The following DLGAP1 variants were observed in gnomAD, a reference collection of about 807,000 sequenced individuals.
DLGAP1 encodes the protein DLG associated protein 1.
In DLGAP1, 11 loss-of-function variants were observed where a neutral mutation model predicts 90.8. The observed-to-expected ratio is 0.12, with a 90% CI of 0.08 to 0.20. DLGAP1 has a LOEUF of 0.20. Ranked by LOEUF, DLGAP1 falls within the 10% of genes least tolerant of loss-of-function variation. The pLI is 1.00. For missense variants in DLGAP1, 1,050 were observed against 1,333.8 expected (o/e 0.79, Z 3.31); for synonymous variants, 558 against 540.7 (o/e 1.03, Z -0.44).
intron 1 of DLGAP1, among the ~76,000 whole-genome samples, chr18:4,447,287 T>C (rs2083692222): frequency 6.6e-6 from 1 of 152,182 alleles, no homozygotes; most frequent in Non-Finnish European, 1.5e-5. Context: ...ATGATACAGT[T>C]CTACAATGGA....
chr18:4,031,464 G>A (rs2074794974), intron 2 of DLGAP1, among the ~76,000 whole-genome samples: 1 of 152,204 alleles, frequency 6.6e-6, no homozygotes, highest in South Asian at 2.1e-4. Flanking sequence ...CCCGGAAAGG[G>A]TACCATCAAC....
intron 1 of DLGAP1, among the ~76,000 whole-genome samples, chr18:4,240,613 T>G (rs1032220401): frequency 6.6e-6 from 1 of 152,162 alleles, no homozygotes; most frequent in Non-Finnish European, 1.5e-5. Flanking sequence ...TAGATAACTA[T>G]GAAAATGAAA....
chr18:4,054,242 G>A (rs1481849970), intron 2 of DLGAP1, among the ~76,000 whole-genome samples: 1 of 152,130 alleles, frequency 6.6e-6, no homozygotes. Context: ...GCCCCATGAG[G>A]GATAGATAGT....
Position 3,548,067 on chromosome 18 carries a change from G to A in DLGAP1, c.2058-13452C>T, listed in dbSNP as rs536920179. On this transcript the variant is annotated intron_variant, in intron 9 of 12. Coordinates refer to ENST00000315677, the MANE Select transcript of DLGAP1 (RefSeq NM_004746.4). ...GGCAAGTCCATAGAGACAGCAAACC[G>A]ATTAGCAGTTACAGAGACTGGGAGG... Among the ~76,000 whole-genome samples, 4 of 152,286 alleles carry A rather than the reference G, an allele frequency of 2.6e-5. No homozygotes were observed. The East Asian group carries it at 5.8e-4, about 22-fold the overall frequency.
At chr18:3,741,454 A>G (rs1052481001) in intron 6 of DLGAP1, among the ~76,000 whole-genome samples, 11 of 151,568 alleles carry the variant, frequency 7.3e-5, no homozygotes, top group African/African-American at 2.7e-4. Context: ...TGCCACTACC[A>G]TCACCATTAC....
At position 4,193,203 on chromosome 18, in the gene DLGAP1, A is replaced by G. The variant is rs532292271; in HGVS notation, c.-266-41916T>C. Among the ~76,000 whole-genome samples the G allele has an allele frequency of 1.4e-4, 21 of 152,334 alleles. No homozygotes were observed. The South Asian group carries it at 4.1e-3, about 30-fold the overall frequency. On this transcript the variant is annotated intron_variant, in intron 1 of 12. Transcript: ENST00000315677. ...TCTTCTCAGGAGCATGCTGCAGAGAAGAGACTCAGCTGGACGTGGGCCTGG... is the reference window on the plus strand; with the variant it reads ...TCTTCTCAGGAGCATGCTGCAGAGAGGAGACTCAGCTGGACGTGGGCCTGG...
intron 1 of DLGAP1, among the ~76,000 whole-genome samples, chr18:4,280,375 C>A (rs923252727): frequency 6.6e-6 from 1 of 152,174 alleles, no homozygotes; most frequent in Non-Finnish European, 1.5e-5. Flanking sequence ...TCCCTGTCTT[C>A]ATGGTCTTAC....
At chr18:4,043,024 C>T (rs2074998435) in intron 2 of DLGAP1, among the ~76,000 whole-genome samples, 1 of 152,190 alleles carries the variant, frequency 6.6e-6, no homozygotes, top group African/African-American at 2.4e-5. Context: ...GTTCCAACCA[C>T]TAAAAAATGT....
intron 4 of DLGAP1, among the ~76,000 whole-genome samples, chr18:3,834,305 CA>C (rs35630074): frequency 0.03 from 1,003 of 33,118 alleles, 4 homozygotes; most frequent in East Asian, 0.11. Context: ...GACTCTGTCT[CA>C]AAAAAAAAAA....
intron 7 of DLGAP1, among the ~76,000 whole-genome samples, chr18:3,622,814 T>C (rs1052105177): frequency 4.7e-5 from 7 of 149,238 alleles, no homozygotes; most frequent in Admixed American, 4.6e-4. Context: ...TTTCTTTTTC[T>C]TTTTTTTTGA....
intron 2 of DLGAP1, among the ~76,000 whole-genome samples, chr18:4,106,031 CAAAAAAAAAAAAAAAAA>C (rs60176243): frequency 9.8e-6 from 1 of 102,242 alleles, no homozygotes; most frequent in Non-Finnish European, 2.0e-5. Flanking sequence ...GGGTCCGTCT[CAAAAAAAAAAAAAAAAA>C]AAAAAAAAAA....
At chr18:3,778,227 G>T (rs541816395) in intron 5 of DLGAP1, among the ~76,000 whole-genome samples, 247 of 152,262 alleles carry the variant, frequency 1.6e-3, no homozygotes, top group Non-Finnish European at 2.7e-3. Flanking sequence ...GATCACCGGA[G>T]GTCAGGAGTT....
chr18:4,244,673 C>A (rs531285065), intron 1 of DLGAP1, among the ~76,000 whole-genome samples: 1 of 152,194 alleles, frequency 6.6e-6, no homozygotes, highest in Admixed American at 6.5e-5. Context: ...GGATCAGTTA[C>A]ATGATCTGTG....
intron 3 of DLGAP1, among the ~76,000 whole-genome samples, chr18:3,986,820 G>A (rs1042052000): frequency 6.6e-6 from 1 of 152,112 alleles, no homozygotes; most frequent in African/African-American, 2.4e-5. Context: ...TGGTATGATT[G>A]TACCTTGTTA....
At chr18:3,952,719 A>G (rs2073012257) in intron 3 of DLGAP1, among the ~76,000 whole-genome samples, 1 of 152,236 alleles carries the variant, frequency 6.6e-6, no homozygotes, top group Non-Finnish European at 1.5e-5. Flanking sequence ...ATAAAGAAAG[A>G]TGTCTATTGA....
At chr18:3,677,944 C>T (rs1163514850) in intron 7 of DLGAP1, among the ~76,000 whole-genome samples, 1 of 136,504 alleles carries the variant, frequency 7.3e-6, no homozygotes, top group Non-Finnish European at 1.5e-5. Flanking sequence ...CAGGCGTGAG[C>T]CACTGTGCCC....
chr18:3,891,287 C>T (rs1328551449), intron 3 of DLGAP1, among the ~76,000 whole-genome samples: 2 of 152,076 alleles, frequency 1.3e-5, no homozygotes, highest in African/African-American at 2.4e-5. Context: ...TTTTGTTAGC[C>T]CCCTCAGGTC....
intron 4 of DLGAP1, chr18:3,845,700 G>T: frequency 1.4e-6 from 1 of 717,568 alleles, no homozygotes; most frequent in Non-Finnish European, 1.7e-6. Flanking sequence ...CCCCATCAGG[G>T]AACGATCCTT....
intron 1 of DLGAP1, among the ~76,000 whole-genome samples, chr18:4,188,343 T>G (rs891558105): frequency 1.3e-5 from 2 of 152,168 alleles, no homozygotes; most frequent in African/African-American, 4.8e-5. Context: ...GGGATACATG[T>G]GCAGAATGTG....
Sources: allele counts gnomAD v4.1 joint callset (sites outside exome capture counted in the v4.1 genomes callset), GRCh38; gene constraint gnomAD v4.1.1; transcripts MANE v1.5; gene names NCBI Gene and HGNC (gene_info 2026-07-23, HGNC 2026-07-21).